Variants in CPQ observed in about 807,000 individuals in gnomAD.
CPQ encodes the protein Ser-Met dipeptidase.
In CPQ, 37 loss-of-function variants were observed where a neutral mutation model predicts 45.7. That is an observed-to-expected ratio of 0.81 (90% confidence interval 0.62 to 1.07). CPQ has a LOEUF of 1.07. CPQ is among the 50% of genes least tolerant of loss of function. The pLI is 0.00. For missense variants in CPQ, 537 were observed against 572.9 expected, an observed-to-expected ratio of 0.94 and a Z score of 0.64; for synonymous variants, 186 against 205.8, an observed-to-expected ratio of 0.90 and a Z score of 0.82.
At chr8:96,797,644 C>T (rs950240934) in intron 2 of CPQ, among the ~76,000 whole-genome samples, 3 of 152,046 alleles carry the variant, frequency 2.0e-5, no homozygotes, top group South Asian at 2.1e-4. Context: ...TGGCTGGGTG[C>T]GGTGGCTCAC....
rs1811674299 is a variant in CPQ at position 96,845,559 on chromosome 8, GT to G, written c.641+10381del. ...TTGTTTTGAGACAGGGTCTTGCTCTGTTGCCCAGGCTGGAGTACAGTGGCAT... is the reference window on the plus strand; with the variant it reads ...TTGTTTTGAGACAGGGTCTTGCTCTGTGCCCAGGCTGGAGTACAGTGGCAT... On this transcript the variant is annotated intron_variant, in intron 3 of 7. Transcript: ENST00000220763. Among the ~76,000 whole-genome samples, 3 of 152,122 alleles carry G rather than the reference GT, an allele frequency of 2.0e-5. No individual in the cohort carries two copies. In the South Asian group the frequency reaches 6.2e-4, roughly 32 times the overall value.
chr8:97,069,804 T>C (rs1167614617), intron 7 of CPQ, among the ~76,000 whole-genome samples: 1 of 152,152 alleles, frequency 6.6e-6, no homozygotes, highest in Non-Finnish European at 1.5e-5. Flanking sequence ...CTATTAAATT[T>C]CTATAATTTG....
intron 1 of CPQ, among the ~76,000 whole-genome samples, chr8:96,646,878 T>A (rs980497496): frequency 6.6e-6 from 1 of 152,172 alleles, no homozygotes; most frequent in South Asian, 2.1e-4. Flanking sequence ...CTTCTCCACA[T>A]CTGCAACAAG....
chr8:97,041,235 TC>T (rs1443954842), intron 6 of CPQ, among the ~76,000 whole-genome samples: 2 of 152,204 alleles, frequency 1.3e-5, no homozygotes, highest in Non-Finnish European at 2.9e-5. Context: ...TATTTTATTC[TC>T]TTTAAAGCAA....
Position 96,796,717 on chromosome 8 carries a change from CAG to C in CPQ, c.433+11388_433+11389del, listed in dbSNP as rs371372895. 2.3e-3 allele frequency among the ~76,000 whole-genome samples: 348 copies of C among 152,286 alleles called. 4 individuals are homozygous for C. The highest frequency in any genetic ancestry group is 8.2e-3 in the African/African-American group (340 of 41,560). On this transcript the variant is annotated intron_variant, in intron 2 of 7. Coordinates refer to ENST00000220763, the MANE Select transcript of CPQ (RefSeq NM_016134.4). ...ATATGTACCAGCAAACTTAAGGTCT[CAG>C]TGTAGCTAGACTTGGATTTTTGAGC...
rs376536378 is a variant in CPQ, at chr8:97,082,710, C to CATTT, written c.1255+16501_1255+16502insTTTA. The stretch of plus-strand genomic sequence containing the variant: ...TACTTGAGACGCTCAAACTCACAGG[C>CATTT]AAATGAGGAGTTGAATCACTTCATA... On this transcript the variant is annotated intron_variant, in intron 7 of 7. Coordinates refer to ENST00000220763, the MANE Select transcript of CPQ (RefSeq NM_016134.4). 5.1e-3 allele frequency among the ~76,000 whole-genome samples: 782 copies of CATTT among 152,248 alleles called. 8 individuals are homozygous for CATTT. Among genetic ancestry groups the CATTT allele is most frequent in the African/African-American group, 0.018 (755 of 41,558 alleles).
intron 7 of CPQ, among the ~76,000 whole-genome samples, chr8:97,141,331 T>C (rs1185963438): frequency 6.6e-6 from 1 of 151,822 alleles, no homozygotes; most frequent in African/African-American, 2.4e-5. Context: ...TACAAGTCAA[T>C]AAGAAAAAGA....
At chr8:96,792,198 G>A (rs781478599) in intron 2 of CPQ, among the ~76,000 whole-genome samples, 3 of 152,162 alleles carry the variant, frequency 2.0e-5, no homozygotes, top group Non-Finnish European at 4.4e-5. Context: ...GGCCAAGTCC[G>A]AAGAGATGAA....
At chr8:96,987,396 A>G (rs75087333) in intron 5 of CPQ, among the ~76,000 whole-genome samples, 3,060 of 152,252 alleles carry the variant, frequency 0.02, 97 homozygotes, top group African/African-American at 0.069. Flanking sequence ...TTGGTCTCCC[A>G]CAGAAACACA....
At chr8:96,894,887 C>A (rs1383237727) in intron 4 of CPQ, among the ~76,000 whole-genome samples, 3 of 152,172 alleles carry the variant, frequency 2.0e-5, no homozygotes, top group Admixed American at 2.0e-4. Context: ...TGCACCAATT[C>A]TGTTACAACA....
chr8:96,666,923 C>T (rs1808932475), intron 1 of CPQ, among the ~76,000 whole-genome samples: 1 of 152,168 alleles, frequency 6.6e-6, no homozygotes, highest in South Asian at 2.1e-4. Flanking sequence ...GAAACCTTAG[C>T]TTTGACTCCC....
At chr8:97,070,637 AT>A (rs997734001) in intron 7 of CPQ, among the ~76,000 whole-genome samples, 2 of 152,180 alleles carry the variant, frequency 1.3e-5, no homozygotes, top group African/African-American at 4.8e-5. Context: ...AGCAATAAGG[AT>A]TATTTCTCTT....
chr8:96,859,282 A>T (rs1256894671), intron 3 of CPQ, among the ~76,000 whole-genome samples: 4 of 152,220 alleles, frequency 2.6e-5, no homozygotes, highest in Admixed American at 2.0e-4. Context: ...ACTGCAGAAT[A>T]TCTTGTCTGC....
At chr8:96,750,111 G>A (rs1810239080) in intron 1 of CPQ, among the ~76,000 whole-genome samples, 4 of 151,326 alleles carry the variant, frequency 2.6e-5, no homozygotes, top group South Asian at 2.1e-4. Flanking sequence ...ATTATTTTTT[G>A]TAAAACAGAT....
intron 6 of CPQ, among the ~76,000 whole-genome samples, chr8:97,058,705 A>G (rs1245738194): frequency 6.6e-6 from 1 of 152,164 alleles, no homozygotes; most frequent in African/African-American, 2.4e-5. Context: ...ACAACTGCAT[A>G]CTGAAATGAA....
rs151132987 is a variant in CPQ, at chr8:96,723,181, A to G, written c.-34-61683A>G. 5.1e-3 allele frequency among the ~76,000 whole-genome samples: 775 copies of G among 152,326 alleles called. 22 individuals are homozygous for G. Among genetic ancestry groups the G allele is most frequent in the Admixed American group, 0.047 (725 of 15,296 alleles). On this transcript the variant is annotated intron_variant, in intron 1 of 7. Transcript: ENST00000220763. The stretch of plus-strand genomic sequence containing the variant: ...AATAGTAAAATATTATCAAAAGTAA[A>G]TAGGACAAGGATTTTTTTCTTAAAA...
chr8:96,803,368 G>A (rs1811033360), intron 2 of CPQ, among the ~76,000 whole-genome samples: 2 of 152,224 alleles, frequency 1.3e-5, no homozygotes. Flanking sequence ...ACAGAGTCCA[G>A]ATTTGAGGGA....
intron 5 of CPQ, among the ~76,000 whole-genome samples, chr8:96,993,673 G>C (rs1188777170): frequency 6.6e-6 from 1 of 151,994 alleles, no homozygotes; most frequent in Non-Finnish European, 1.5e-5. Context: ...ACGATATTAT[G>C]CTTAGATGCA....
Position 96,966,023 on chromosome 8 carries a change from C to CTTT in CPQ, c.938_939insTTT (p.Leu314dup). The CTTT allele has an allele frequency of 6.2e-7, 1 of 1,612,596 alleles. No homozygotes were observed. Among genetic ancestry groups the CTTT allele is most frequent in the Non-Finnish European group, 8.5e-7 (1 of 1,179,164 alleles). On this transcript the variant is annotated inframe_insertion, in exon 5 of 8. Transcript: ENST00000220763. Reference sequence around the variant, plus strand: ...GGTGGAGCCTTTATATCATGGGAAGCACTCTCACTTATTAAAGATCTTGGT... The same window carrying CTTT: ...GGTGGAGCCTTTATATCATGGGAAGCTTTACTCTCACTTATTAAAGATCTTGGT...
Sources: allele counts gnomAD v4.1 joint callset (sites outside exome capture counted in the v4.1 genomes callset), GRCh38; gene constraint gnomAD v4.1.1; transcripts MANE v1.5; gene names NCBI Gene and HGNC (gene_info 2026-07-23, HGNC 2026-07-21).